NRG1: variants seen among roughly 807,000 people sequenced by gnomAD.
NRG1 encodes neuregulin 1, also known as pro-neuregulin-1, membrane-bound isoform.
In NRG1, 18 loss-of-function variants were observed where a neutral mutation model predicts 63.8. The ratio of observed to expected loss-of-function variants is 0.28; its 90% confidence interval spans 0.19 to 0.42. The LOEUF (loss-of-function observed/expected upper bound fraction) is 0.42. Among genes scored for constraint, NRG1 ranks in the 10% least tolerant of loss-of-function variants. The probability of loss-of-function intolerance (pLI) is 1.00; values close to 1 mark genes in which losing one functional copy is unlikely to be tolerated. For synonymous variants in NRG1, 302 were observed against 301.3 expected, an observed-to-expected ratio of 1.00 and a Z score of -0.02; for missense variants, 762 against 814.7, an observed-to-expected ratio of 0.94 and a Z score of 0.79.
chr8:31,752,929 A>G (rs1816629679), intron 1 of NRG1, among the ~76,000 whole-genome samples: 1 of 152,084 alleles, frequency 6.6e-6, no homozygotes, highest in Non-Finnish European at 1.5e-5. Flanking sequence ...AGTGAAAACC[A>G]GTATTCTGAT....
At chr8:32,159,504 G>T (rs989817876) in intron 1 of NRG1, among the ~76,000 whole-genome samples, 14 of 143,158 alleles carry the variant, frequency 9.8e-5, no homozygotes, top group Admixed American at 9.1e-4. Flanking sequence ...ACTGCAGTCC[G>T]CAGTCCGGCC....
At chr8:32,266,162 A>G (rs1417144488) in intron 1 of NRG1, among the ~76,000 whole-genome samples, 1 of 152,158 alleles carries the variant, frequency 6.6e-6, no homozygotes, top group African/African-American at 2.4e-5. Context: ...ACAATGTGTA[A>G]ATGATAGTTT....
chr8:32,166,009 C>A (rs941332697), intron 1 of NRG1, among the ~76,000 whole-genome samples: 13 of 152,052 alleles, frequency 8.5e-5, no homozygotes, highest in Non-Finnish European at 1.8e-4. Context: ...TTCATCCTCA[C>A]CCTGCTTTAC....
chr8:32,623,307 A>G (rs1848657018), intron 5 of NRG1, among the ~76,000 whole-genome samples: 1 of 151,694 alleles, frequency 6.6e-6, no homozygotes, highest in Non-Finnish European at 1.5e-5. Flanking sequence ...ACCTGCTTTT[A>G]TGGTAGAAAA....
intron 1 of NRG1, among the ~76,000 whole-genome samples, chr8:32,403,588 A>T (rs943314944): frequency 2.6e-5 from 4 of 152,176 alleles, no homozygotes; most frequent in Admixed American, 6.5e-5. Flanking sequence ...AGAGTATCTG[A>T]ATCCCTCCCT....
intron 5 of NRG1, among the ~76,000 whole-genome samples, chr8:32,691,411 A>C (rs1811616693): frequency 6.6e-6 from 1 of 152,112 alleles, no homozygotes; most frequent in South Asian, 2.1e-4. Flanking sequence ...CTGACTCTGC[A>C]CTCCAGTGCA....
chr8:32,194,905 G>GA (rs1842823347), intron 1 of NRG1, among the ~76,000 whole-genome samples: 1 of 151,962 alleles, frequency 6.6e-6, no homozygotes, highest in South Asian at 2.1e-4. Context: ...ACATTTTTAT[G>GA]AAAAAAAGAT....
At chr8:32,462,588 A>G (rs1253251550) in intron 1 of NRG1, among the ~76,000 whole-genome samples, 1 of 143,502 alleles carries the variant, frequency 7.0e-6, no homozygotes, top group Non-Finnish European at 1.5e-5. Flanking sequence ...CTCTAGACAC[A>G]CTGATTCTTT....
At chr8:32,226,973 T>G (rs1015952992) in intron 1 of NRG1, among the ~76,000 whole-genome samples, 1 of 152,250 alleles carries the variant, frequency 6.6e-6, no homozygotes, top group South Asian at 2.1e-4. Context: ...TCATATTCAC[T>G]TGGCATAATT....
intron 1 of NRG1, among the ~76,000 whole-genome samples, chr8:32,368,498 G>A (rs752000695): frequency 5.3e-5 from 8 of 152,150 alleles, no homozygotes; most frequent in Admixed American, 2.6e-4. Context: ...GCAGGAGCAC[G>A]CTATGATCAT....
chr8:32,402,037 G>T (rs550020512), intron 1 of NRG1, among the ~76,000 whole-genome samples: 1 of 151,986 alleles, frequency 6.6e-6, no homozygotes, highest in Non-Finnish European at 1.5e-5. Flanking sequence ...TCAGTCACCC[G>T]AGTACCTGGG....
intron 1 of NRG1, among the ~76,000 whole-genome samples, chr8:32,576,012 C>T (rs1045007437): frequency 6.6e-6 from 1 of 151,938 alleles, no homozygotes; most frequent in African/African-American, 2.4e-5. Flanking sequence ...TTTAAATTGA[C>T]AAAATTGTAT....
At chr8:32,280,885 G>A (rs199947683) in intron 1 of NRG1, among the ~76,000 whole-genome samples, 42 of 147,114 alleles carry the variant, frequency 2.9e-4, no homozygotes, top group African/African-American at 9.5e-4. Context: ...TCAGCCTCCC[G>A]AGTAGCTGGG....
rs1413083318 is a variant in NRG1 at position 32,296,617 on chromosome 8, A to C, written c.38-299211A>C. Among the ~76,000 whole-genome samples the C allele has an allele frequency of 4.0e-4, 22 of 54,374 alleles. 1 individual carries two copies. Among genetic ancestry groups the C allele is most frequent in the South Asian group, 4.3e-4 (1 of 2,304 alleles). The allele number at this position is 54,374 out of a possible 152,430, so 35.7% of individuals were successfully genotyped here. On this transcript the variant is annotated intron_variant, in intron 1 of 10. Transcript: ENST00000519301. ...GGCGACAAGAGTGAAACTTTGTCCC[A>C]AAAAAAAAAAAAAAAAGCTTCCTTA...
chr8:32,729,283 G>T (rs1237639429), intron 6 of NRG1, among the ~76,000 whole-genome samples: 2 of 151,862 alleles, frequency 1.3e-5, no homozygotes, highest in African/African-American at 2.4e-5. Context: ...ATTTGATGTG[G>T]GCATAAAAAT....
At chr8:31,836,049 G>C (rs1338986524) in intron 1 of NRG1, among the ~76,000 whole-genome samples, 2 of 152,168 alleles carry the variant, frequency 1.3e-5, no homozygotes, top group African/African-American at 4.8e-5. Flanking sequence ...GAATAGTAAA[G>C]CTGAATGGAC....
chr8:32,013,973 A>G (rs188810946), intron 1 of NRG1, among the ~76,000 whole-genome samples: 2 of 152,288 alleles, frequency 1.3e-5, no homozygotes, highest in Non-Finnish European at 2.9e-5. Flanking sequence ...CTGTGATGAC[A>G]ACTATTACAG....
chr8:31,789,720 A>G (rs769359404), intron 1 of NRG1, among the ~76,000 whole-genome samples: 1 of 152,298 alleles, frequency 6.6e-6, no homozygotes, highest in South Asian at 2.1e-4. Flanking sequence ...GCAAAATGTC[A>G]TGGCCCTTAC....
At chr8:31,686,535 C>G (rs1183032010) in intron 1 of NRG1, among the ~76,000 whole-genome samples, 2 of 152,038 alleles carry the variant, frequency 1.3e-5, no homozygotes, top group Admixed American at 1.3e-4. Context: ...TGGAAACATA[C>G]CATTTTGATG....
Sources: allele counts gnomAD v4.1 joint callset (sites outside exome capture counted in the v4.1 genomes callset), GRCh38; gene constraint gnomAD v4.1.1; transcripts MANE v1.5; gene names NCBI Gene and HGNC (gene_info 2026-07-23, HGNC 2026-07-21).